SPTBN4: variants seen among roughly 807,000 people sequenced by gnomAD.
SPTBN4 encodes the protein spectrin beta, non-erythrocytic 4, also known as spectrin beta chain, non-erythrocytic 4.
SPTBN4 carries 96 observed loss-of-function variants against 277.8 expected under a neutral mutation model. The ratio of observed to expected loss-of-function variants is 0.35; its 90% CI spans 0.29 to 0.41. The LOEUF is 0.41. SPTBN4 is among the 10% of genes least tolerant of loss of function. SPTBN4 has a pLI of 1.00. For missense variants in SPTBN4, 3,006 were observed against 3,595.7 expected, an observed-to-expected ratio of 0.84 and a Z score of 4.19; for synonymous variants, 1,481 against 1,580.3, an observed-to-expected ratio of 0.94 and a Z score of 1.49.
rs1475569437 is a variant in SPTBN4 at position 40,472,724 on chromosome 19, G to A, written c.103G>A (p.Glu35Lys). The change falls in exon 2 of 36, where the codon GAG becomes AAG. Residue 35 changes from glutamate to lysine, a missense_variant. Transcript: ENST00000598249. Reference sequence around the variant, plus strand: ...GAGTCCGGATCGGGGCTGGGAGCGGGAGCAGCCGGCTGCGTCCACCGCAGC... The same window carrying A: ...GAGTCCGGATCGGGGCTGGGAGCGGAAGCAGCCGGCTGCGTCCACCGCAGC... The part of the protein sequence containing the change: ...WESPDRGWER[E>K]QPAASTAAAS... 10 of 1,610,134 alleles carry A rather than the reference G, an allele frequency of 6.2e-6. No individual in the cohort carries two copies. Among genetic ancestry groups the A allele is most frequent in the Non-Finnish European group, 8.5e-6 (10 of 1,178,380 alleles).
intron 5 of SPTBN4, among the ~76,000 whole-genome samples, chr19:40,494,425 C>T (rs2080171883): frequency 6.6e-6 from 1 of 150,614 alleles, no homozygotes; most frequent in African/African-American, 2.4e-5. Context: ...TCTCCTTCCT[C>T]TCTCTCTCCT....
intron 19 of SPTBN4, among the ~76,000 whole-genome samples, chr19:40,533,829 TTC>T (rs918366431): frequency 4.6e-5 from 7 of 152,092 alleles, no homozygotes; most frequent in African/African-American, 1.7e-4. Flanking sequence ...CCCTGTATCT[TTC>T]TGTCTCCCTC....
intron 20 of SPTBN4, among the ~76,000 whole-genome samples, chr19:40,546,849 A>G (rs1463539932): frequency 2.0e-5 from 3 of 152,048 alleles, no homozygotes; most frequent in Non-Finnish European, 4.4e-5. Context: ...CAAAAAACAA[A>G]ACACACACAC....
At chr19:40,496,241 C>T (rs897675899) in intron 6 of SPTBN4, among the ~76,000 whole-genome samples, 2 of 152,160 alleles carry the variant, frequency 1.3e-5, no homozygotes, top group South Asian at 4.1e-4. Context: ...CCTCTGCTTC[C>T]CAGATTCAAG....
At chr19:40,558,545 C>T (rs1446824211) in intron 26 of SPTBN4, among the ~76,000 whole-genome samples, 3 of 152,114 alleles carry the variant, frequency 2.0e-5, no homozygotes, top group Non-Finnish European at 4.4e-5. Context: ...CCCAATACAA[C>T]TCAGGCAGCA....
At chr19:40,503,011 T>C in intron 11 of SPTBN4, 78 bp downstream of exon 11, 1 of 1,526,460 alleles carries the variant, frequency 6.6e-7, no homozygotes, top group Non-Finnish European at 8.8e-7. Flanking sequence ...AGAGGGAGAC[T>C]TGATCTTCTA....
At chr19:40,467,622 G>GC (rs968333216) in intron 1 of SPTBN4, among the ~76,000 whole-genome samples, 6 of 116,652 alleles carry the variant, frequency 5.1e-5, no homozygotes, top group African/African-American at 1.1e-4. Flanking sequence ...ACCAGCCTTT[G>GC]CGGGGGGGGG....
intron 16 of SPTBN4, 36 bp downstream of exon 16, chr19:40,520,187 G>A (rs771924747): frequency 7.4e-6 from 10 of 1,347,188 alleles, no homozygotes; most frequent in Non-Finnish European, 9.5e-6. Context: ...GAGAGGGAGA[G>A]TCCGAGGCCG....
chr19:40,501,038 T>A (rs2080257646), intron 7 of SPTBN4, among the ~76,000 whole-genome samples: 1 of 152,038 alleles, frequency 6.6e-6, no homozygotes, highest in Non-Finnish European at 1.5e-5. Flanking sequence ...ACATGAGGAT[T>A]ATCAACTATA....
At chr19:40,478,937 A>G (rs935506499) in intron 2 of SPTBN4, among the ~76,000 whole-genome samples, 2 of 152,246 alleles carry the variant, frequency 1.3e-5, no homozygotes, top group Non-Finnish European at 2.9e-5. Context: ...AAACACATTT[A>G]TAGAGGAACT....
intron 19 of SPTBN4, 94 bp downstream of exon 19, chr19:40,532,865 C>G: frequency 6.9e-7 from 1 of 1,447,414 alleles, no homozygotes; most frequent in Non-Finnish European, 9.2e-7. Context: ...TGCCATCCTG[C>G]TGGTCTTACA....
chr19:40,551,108 A>G (rs927626680), intron 22 of SPTBN4, among the ~76,000 whole-genome samples: 4 of 152,212 alleles, frequency 2.6e-5, no homozygotes, highest in Admixed American at 6.5e-5. Context: ...CCTTAGCTTA[A>G]TTACCAAGGC....
At chr19:40,496,212 C>T (rs552315304) in intron 6 of SPTBN4, among the ~76,000 whole-genome samples, 23 of 152,280 alleles carry the variant, frequency 1.5e-4, no homozygotes, top group South Asian at 1.2e-3. Context: ...TGCAGTGGCA[C>T]GATCTCGGCT....
At position 40,515,826 on chromosome 19, in the gene SPTBN4, C is replaced by T. The variant is rs754020053; in HGVS notation, c.2903+378C>T. Among the ~76,000 whole-genome samples, 2 of 150,948 alleles carry T rather than the reference C, an allele frequency of 1.3e-5. No individual in the cohort carries two copies. The highest frequency in any genetic ancestry group is 2.4e-5 in the African/African-American group (1 of 40,994). On this transcript the variant is annotated intron_variant, in intron 15 of 35. Coordinates refer to ENST00000598249, the MANE Select transcript of SPTBN4 (RefSeq NM_020971.3). This position sits in a 1 kb window ranked among gnomAD's most constrained non-coding sequence, Gnocchi z 4.1. ...TCACTTGAGCTCATGAATTCAAGACCAGCCTGGGCAACATGGTGAAACCCC... is the reference window on the plus strand; with the variant it reads ...TCACTTGAGCTCATGAATTCAAGACTAGCCTGGGCAACATGGTGAAACCCC...
At chr19:40,512,512 C>A in intron 13 of SPTBN4, 94 bp from the exon 14 acceptor site, 2 of 1,390,000 alleles carry the variant, frequency 1.4e-6, no homozygotes, top group Non-Finnish European at 1.9e-6. Context: ...CTGATGAAGT[C>A]ACACCAAGGA....
At chr19:40,503,036 G>A in intron 11 of SPTBN4, 103 bp downstream of exon 11, 1 of 1,407,082 alleles carries the variant, frequency 7.1e-7, no homozygotes, top group Non-Finnish European at 9.6e-7. Context: ...ACAGGGAAGA[G>A]TTAGATTAGT....
intron 20 of SPTBN4, among the ~76,000 whole-genome samples, chr19:40,538,247 A>G (rs2080760275): frequency 6.6e-6 from 1 of 152,024 alleles, no homozygotes; most frequent in Admixed American, 6.5e-5. Flanking sequence ...AAATTAGCCG[A>G]ACGTGGTGGC....
chr19:40,488,661 T>C (rs1206773089), intron 3 of SPTBN4, among the ~76,000 whole-genome samples: 2 of 152,086 alleles, frequency 1.3e-5, no homozygotes, highest in African/African-American at 2.4e-5. Flanking sequence ...TTTGTTTAAA[T>C]TAACCAGGCG....
Position 40,560,164 on chromosome 19 carries a change from G to A in SPTBN4, c.5676G>A (p.Arg1892=), listed in dbSNP as rs1480124801. Reference sequence around the variant, plus strand: ...CGACCTGGCATGCCCTTCAGGTACGGCAGCTGCAGGAGGGGGCGGCCCAGC... The same window carrying A: ...CGACCTGGCATGCCCTTCAGGTACGACAGCTGCAGGAGGGGGCGGCCCAGC... ...HDLQLLVSQV[R]QLQEGAAQLR... is the part of the protein sequence containing the mutation. Residue 1892 remains arginine, a synonymous_variant, in exon 27 of 36, where the codon CGG becomes CGA. Transcript: ENST00000598249. The surrounding 1 kb of genome is among the most constrained non-coding windows in gnomAD (Gnocchi z 5.2). 8 of 1,594,778 alleles carry A rather than the reference G, an allele frequency of 5.0e-6. No homozygotes were observed. In the Admixed American group the frequency reaches 1.2e-4, roughly 23 times the overall value.
Sources: gnomAD v4.1 joint callset for allele counts (sites outside exome capture counted in the v4.1 genomes callset) on GRCh38, gnomAD v4.1.1 for gene constraint, Gnocchi (gnomAD v3.1) non-coding constraint, MANE v1.5 for transcripts, NCBI Gene and HGNC (gene_info 2026-07-23, HGNC 2026-07-21) for gene names.